Variants in NCKAP5 observed in about 807,000 individuals in gnomAD.
NCKAP5 encodes NCK associated protein 5.
Under a neutral mutation model 167.0 loss-of-function variants are expected in NCKAP5, and 92 were observed. The ratio of observed to expected loss-of-function variants is 0.55; its 90% CI spans 0.47 to 0.66. The LOEUF (loss-of-function observed/expected upper bound fraction) is 0.66, where lower values mean the gene tolerates loss of function less well. Among genes scored for constraint, NCKAP5 ranks in the 30% least tolerant of loss-of-function variants. NCKAP5 has a pLI of 0.00. For synonymous variants in NCKAP5, 891 were observed against 877.4 expected, an observed-to-expected ratio of 1.02 and a Z score of -0.27; for missense variants, 2,378 against 2,315.0, an observed-to-expected ratio of 1.03 and a Z score of -0.56.
chr2:133,304,433 T>G (rs1480578511), intron 3 of NCKAP5, among the ~76,000 whole-genome samples: 1 of 152,240 alleles, frequency 6.6e-6, no homozygotes, highest in Non-Finnish European at 1.5e-5. Context: ...TTATGCTTAT[T>G]GAATAAACAT....
chr2:132,854,950 T>C (rs892794323), intron 11 of NCKAP5, among the ~76,000 whole-genome samples: 2 of 152,004 alleles, frequency 1.3e-5, no homozygotes, highest in Non-Finnish European at 2.9e-5. Context: ...AAAGAATTTG[T>C]GTCAGGAAAA....
intron 3 of NCKAP5, among the ~76,000 whole-genome samples, chr2:133,384,497 C>T (rs1444156547): frequency 6.6e-6 from 1 of 152,170 alleles, no homozygotes; most frequent in Non-Finnish European, 1.5e-5. Context: ...CGTGATGCCT[C>T]CAGCTTTGTT....
Position 133,213,772 on chromosome 2 carries a change from A to G in NCKAP5, c.151T>C (p.Leu51=), listed in dbSNP as rs748718352. Residue 51 remains leucine, a synonymous_variant, in exon 5 of 20, where the codon TTG becomes CTG. Coordinates refer to ENST00000409261, the MANE Select transcript of NCKAP5 (RefSeq NM_207363.3). ...EQHRSLWREK[L]AVARLQREVA... ...TCTCGCTGTAGTCGGGCCACTGCCA[A>G]CTTCTCCCTGAAGAAACAAAAACAC... The G allele has an allele frequency of 3.7e-6, 6 of 1,613,790 alleles. No homozygotes were observed. In the African/African-American group the frequency reaches 6.7e-5, roughly 18 times the overall value.
At chr2:132,959,603 A>G (rs542930673) in intron 8 of NCKAP5, among the ~76,000 whole-genome samples, 2 of 152,178 alleles carry the variant, frequency 1.3e-5, no homozygotes, top group South Asian at 4.1e-4. Context: ...ATGTCTTTCA[A>G]GGAACATGCC....
At chr2:132,805,814 G>C (rs573049805) in intron 11 of NCKAP5, among the ~76,000 whole-genome samples, 1 of 151,328 alleles carries the variant, frequency 6.6e-6, no homozygotes, top group Non-Finnish European at 1.5e-5. Flanking sequence ...AGGTACAGGC[G>C]GTATTTGGTT....
At chr2:133,375,686 A>G (rs1686096150) in intron 3 of NCKAP5, among the ~76,000 whole-genome samples, 2 of 152,328 alleles carry the variant, frequency 1.3e-5, no homozygotes, top group South Asian at 4.1e-4. Context: ...AAGTGAGAAC[A>G]TGAGGTATGT....
At chr2:132,970,346 T>G (rs1360811711) in intron 7 of NCKAP5, among the ~76,000 whole-genome samples, 1 of 152,188 alleles carries the variant, frequency 6.6e-6, no homozygotes, top group African/African-American at 2.4e-5. Flanking sequence ...GTATTTGTCT[T>G]ACGAACCTCC....
At chr2:133,600,256 C>G in the NCKAP5 span, among the ~76,000 whole-genome samples, 76 of 152,310 alleles carry the variant, frequency 5.0e-4, no homozygotes, top group Middle Eastern at 6.8e-3. Context: ...GAATCTTCAG[C>G]TGAAATGCAT....
intron 2 of NCKAP5, among the ~76,000 whole-genome samples, chr2:133,533,603 T>A (rs1685531890): frequency 6.6e-6 from 1 of 152,214 alleles, no homozygotes; most frequent in Non-Finnish European, 1.5e-5. Flanking sequence ...TCCCATCACC[T>A]GCCTGTGCAA....
intron 8 of NCKAP5, among the ~76,000 whole-genome samples, chr2:132,956,944 C>T (rs949890069): frequency 2.0e-5 from 3 of 152,122 alleles, no homozygotes; most frequent in Non-Finnish European, 4.4e-5. Context: ...TCTGCCAGAC[C>T]TCGAAAAATG....
chr2:132,844,776 G>T (rs775250387), intron 11 of NCKAP5, among the ~76,000 whole-genome samples: 1 of 152,046 alleles, frequency 6.6e-6, no homozygotes, highest in Non-Finnish European at 1.5e-5. Context: ...CATGAATGAC[G>T]GTTTCTATAA....
chr2:133,529,392 A>G (rs895253891), intron 2 of NCKAP5, among the ~76,000 whole-genome samples: 13 of 152,114 alleles, frequency 8.5e-5, no homozygotes, highest in African/African-American at 3.1e-4. Flanking sequence ...TTCACCTGAT[A>G]TATTCAACAC....
chr2:132,758,268 C>A (rs1680715825), intron 16 of NCKAP5, among the ~76,000 whole-genome samples: 1 of 152,118 alleles, frequency 6.6e-6, no homozygotes, highest in African/African-American at 2.4e-5. Context: ...ATTTTCATGG[C>A]TGCGGTTTTT....
intron 3 of NCKAP5, among the ~76,000 whole-genome samples, chr2:133,380,717 T>C (rs1267667870): frequency 6.6e-6 from 1 of 152,150 alleles, no homozygotes; most frequent in African/African-American, 2.4e-5. Flanking sequence ...TCAGGCCCAA[T>C]CAGACTTACT....
intron 19 of NCKAP5, among the ~76,000 whole-genome samples, chr2:132,685,043 G>A (rs1033274470): frequency 1.3e-5 from 2 of 152,150 alleles, no homozygotes; most frequent in African/African-American, 4.8e-5. Flanking sequence ...TCCCTTTAAA[G>A]TGTAACCTTT....
intron 3 of NCKAP5, among the ~76,000 whole-genome samples, chr2:133,476,188 T>C (rs1284080428): frequency 6.6e-6 from 1 of 152,222 alleles, no homozygotes; most frequent in African/African-American, 2.4e-5. Context: ...GGGTCTTTCC[T>C]AAGAAGAAAA....
intron 6 of NCKAP5, among the ~76,000 whole-genome samples, chr2:133,086,424 G>A (rs1166378541): frequency 6.6e-6 from 1 of 152,108 alleles, no homozygotes; most frequent in African/African-American, 2.4e-5. Context: ...GATCACTTGA[G>A]CCCAGGAGTT....
chr2:133,522,462 T>G (rs958339586), intron 2 of NCKAP5, among the ~76,000 whole-genome samples: 1 of 152,226 alleles, frequency 6.6e-6, no homozygotes, highest in African/African-American at 2.4e-5. Flanking sequence ...GATTTGTTAT[T>G]GTCAGTCTTC....
In NCKAP5 at chr2:132,838,030, T is replaced by C. The variant is rs1688023361; in HGVS notation, c.807+22462A>G. On this transcript the variant is annotated intron_variant, in intron 11 of 19. Coordinates refer to ENST00000409261, the MANE Select transcript of NCKAP5 (RefSeq NM_207363.3). The stretch of plus-strand genomic sequence containing the variant: ...CTCCCTCTTGTGATCCCTGTTACTC[T>C]GGCCTTCAGCTGTACTGGCATCTCT... 2.6e-5 allele frequency among the ~76,000 whole-genome samples: 4 copies of C among 152,236 alleles called. No homozygotes were observed. In the South Asian group the frequency reaches 8.3e-4, roughly 32 times the overall value.
Sources: allele counts gnomAD v4.1 joint callset (sites outside exome capture counted in the v4.1 genomes callset), GRCh38; gene constraint gnomAD v4.1.1; transcripts MANE v1.5; gene names NCBI Gene and HGNC (gene_info 2026-07-23, HGNC 2026-07-21).